NBAS: variants seen among roughly 807,000 people sequenced by gnomAD.
The protein encoded by NBAS is NBAS subunit of NRZ tethering complex, also known as NAG/BC035112 fusion.
A neutral mutation model predicts 302.5 loss-of-function variants in NBAS; 219 were observed. That is an observed-to-expected ratio of 0.72 (90% CI 0.65 to 0.81). The LOEUF (loss-of-function observed/expected upper bound fraction) is 0.81, where lower values mean the gene tolerates loss of function less well. Among genes scored for constraint, NBAS ranks in the 30% least tolerant of loss-of-function variants. The probability of loss-of-function intolerance (pLI) is 0.00; values close to 1 mark genes in which losing one functional copy is unlikely to be tolerated. For synonymous variants in NBAS, 1,118 were observed against 1,021.6 expected (o/e 1.09, Z -1.80); for missense variants, 2,932 against 2,841.6 (o/e 1.03, Z -0.72).
the NBAS span, among the ~76,000 whole-genome samples, chr2:15,023,162 C>A: frequency 6.6e-6 from 1 of 152,010 alleles, no homozygotes; most frequent in African/African-American, 2.4e-5. Context: ...AAAATGGAAT[C>A]CTAATATATG....
At chr2:15,233,689 T>C (rs1044762667) in intron 46 of NBAS, among the ~76,000 whole-genome samples, 3 of 152,186 alleles carry the variant, frequency 2.0e-5, no homozygotes, top group Admixed American at 6.5e-5. Context: ...GAAAAAGTTA[T>C]GAAATTCTAT....
the NBAS span, among the ~76,000 whole-genome samples, chr2:15,161,012 T>A: frequency 6.6e-6 from 1 of 152,206 alleles, no homozygotes; most frequent in Non-Finnish European, 1.5e-5. Context: ...CTGTGGTCAA[T>A]CCTTTATCCA....
At chr2:15,248,450 A>T (rs1358916371) in intron 44 of NBAS, among the ~76,000 whole-genome samples, 1 of 152,210 alleles carries the variant, frequency 6.6e-6, no homozygotes, top group Non-Finnish European at 1.5e-5. Context: ...AGAAATAACT[A>T]TAACTAAGAT....
Position 15,558,560 on chromosome 2 carries a change from G to A in NBAS, c.172+20C>T, listed in dbSNP as rs193093570. 8.1e-6 allele frequency: 13 copies of A among 1,604,708 alleles called. No homozygotes were observed. In the African/African-American group the frequency reaches 1.5e-4, roughly 18 times the overall value. On this transcript the variant is annotated intron_variant, in intron 2 of 51. Transcript: ENST00000281513. ...AACTGTTAACCATATCATTACTGTA[G>A]AGAAATAAGCTATATTTACCTCGAA...
Position 15,219,866 on chromosome 2 carries a change from G to A in NBAS, c.6237-898C>T, listed in dbSNP as rs1406211170. Among the ~76,000 whole-genome samples the A allele has an allele frequency of 4.8e-3, 682 of 141,920 alleles. 1 individual carries two copies. The highest frequency in any genetic ancestry group is 0.015 in the African/African-American group (584 of 38,298). The allele number at this position is 141,920 out of a possible 152,430, so 93.1% of individuals were successfully genotyped here. A position where few individuals can be genotyped will look rare whatever the true frequency, so the allele number is the denominator to read the frequency against. ...ACACCTCCCAGACGGGGTCGTGGCC[G>A]GGCAGAGGGGCTCCTCACTTCCCAG... On this transcript the variant is annotated intron_variant, in intron 47 of 51. Coordinates refer to ENST00000281513, the MANE Select transcript of NBAS (RefSeq NM_015909.4).
chr2:15,560,024 AAGG>A (rs1179546420), intron 1 of NBAS, among the ~76,000 whole-genome samples: 2 of 152,168 alleles, frequency 1.3e-5, no homozygotes, highest in African/African-American at 2.4e-5. Flanking sequence ...CTGCAGTGGG[AAGG>A]AGGCTACAGA....
In NBAS at chr2:15,534,579, TGAG is replaced by T. The variant is rs770015032; in HGVS notation, c.707_709del (p.Pro236del). On this transcript the variant is annotated inframe_deletion, in exon 9 of 52. Coordinates refer to ENST00000281513, the MANE Select transcript of NBAS (RefSeq NM_015909.4). Reference sequence around the variant, plus strand: ...GTGGTAAATAGCTGTGTTGATTCCATGAGGATAATGACTACTGAAGCTGAAACA... The same window carrying T: ...GTGGTAAATAGCTGTGTTGATTCCATGATAATGACTACTGAAGCTGAAACA... The T allele has an allele frequency of 1.9e-6, 3 of 1,612,976 alleles. No homozygotes were observed. The highest frequency in any genetic ancestry group is 2.5e-6 in the Non-Finnish European group (3 of 1,179,014).
chr2:15,178,872 T>C lies in NBAS; in HGVS notation c.6840+116A>G, dbSNP rs965213873. On this transcript the variant is annotated intron_variant, in intron 51 of 51. Transcript: ENST00000281513. ...CAGCTATTGTGGTCAGAGAATACTA[T>C]AGATATAGTAGTCTTCAATTAACCA... 4.3e-5 allele frequency: 61 copies of C among 1,419,912 alleles called. No individual in the cohort carries two copies. The South Asian group carries it at 5.8e-4, about 13-fold the overall frequency. 88.0% of individuals were successfully genotyped at this position (1,419,912 alleles called of 1,614,324 possible).
At chr2:15,347,303 A>G (rs1225976717) in intron 35 of NBAS, among the ~76,000 whole-genome samples, 1 of 152,170 alleles carries the variant, frequency 6.6e-6, no homozygotes, top group African/African-American at 2.4e-5. Flanking sequence ...GAAATTCTAC[A>G]TCTAGAGAAA....
At chr2:15,538,337 A>G (rs1663621671) in intron 7 of NBAS, 1 of 486,224 alleles carries the variant, frequency 2.1e-6, no homozygotes, top group Non-Finnish European at 4.1e-6. Context: ...CCAGAATATG[A>G]GCACAACACA....
intron 28 of NBAS, among the ~76,000 whole-genome samples, chr2:15,393,992 T>A (rs1257214108): frequency 1.3e-5 from 2 of 152,072 alleles, no homozygotes; most frequent in African/African-American, 4.8e-5. Context: ...GAGAAAGGAT[T>A]CTAAAGGAGT....
At chr2:15,065,278 TC>T in the NBAS span, among the ~76,000 whole-genome samples, 2 of 151,970 alleles carry the variant, frequency 1.3e-5, no homozygotes, top group African/African-American at 2.4e-5. Flanking sequence ...CATATGAAAA[TC>T]CCAGAGTTAA....
chr2:15,145,353 C>T, the NBAS span, among the ~76,000 whole-genome samples: 1 of 151,886 alleles, frequency 6.6e-6, no homozygotes, highest in Non-Finnish European at 1.5e-5. Flanking sequence ...TAGGGCCACA[C>T]ATATGCCATT....
At chr2:15,344,513 G>GTAAT (rs1308288147) in intron 35 of NBAS, among the ~76,000 whole-genome samples, 1 of 152,086 alleles carries the variant, frequency 6.6e-6, no homozygotes, top group Admixed American at 6.6e-5. Context: ...AATTGAGGCA[G>GTAAT]TAATTAATAG....
At chr2:15,110,325 A>G in the NBAS span, among the ~76,000 whole-genome samples, 1 of 152,016 alleles carries the variant, frequency 6.6e-6, no homozygotes, top group Non-Finnish European at 1.5e-5. Context: ...TTTCACAGAC[A>G]TATATTCTGT....
rs3085556 is a variant in NBAS, at chr2:15,239,401, GTA to G, written c.5725-717_5725-716del. ...TGTGTATGTGTGCGTGTGTGTGTGT[GTA>G]TATATATATATATATATGTTGAGTA... On this transcript the variant is annotated intron_variant, in intron 44 of 51. Coordinates refer to ENST00000281513, the MANE Select transcript of NBAS (RefSeq NM_015909.4). Among the ~76,000 whole-genome samples the G allele has an allele frequency of 1.8e-3, 254 of 144,688 alleles. 3 individuals carry two copies. Among genetic ancestry groups the G allele is most frequent in the South Asian group, 0.01 (46 of 4,456 alleles). The allele number at this position is 144,688 out of a possible 152,430, so 94.9% of individuals were successfully genotyped here. A position where few individuals can be genotyped will look rare whatever the true frequency, so the allele number is the denominator to read the frequency against.
At chr2:14,997,319 C>G in the NBAS span, among the ~76,000 whole-genome samples, 1 of 152,084 alleles carries the variant, frequency 6.6e-6, no homozygotes, top group Non-Finnish European at 1.5e-5. Flanking sequence ...ATCTAAAATA[C>G]AAGTTAAAAT....
chr2:15,501,280 CA>C lies in NBAS; in HGVS notation c.954+2864del, dbSNP rs35909962. On this transcript the variant is annotated intron_variant, in intron 11 of 51. Transcript: ENST00000281513. The stretch of plus-strand genomic sequence containing the variant: ...TGGGCAACAGAGCGACACTCTGCCT[CA>C]AAAAAAAAAAAAAGATAATATTATA... 7.9e-3 allele frequency among the ~76,000 whole-genome samples: 956 copies of C among 121,532 alleles called. 18 individuals are homozygous for C. The highest frequency in any genetic ancestry group is 0.047 in the Admixed American group (563 of 11,926). The allele number at this position is 121,532 out of a possible 152,430, so 79.7% of individuals were successfully genotyped here.
At chr2:15,236,807 C>G (rs1667616097) in intron 45 of NBAS, among the ~76,000 whole-genome samples, 2 of 151,952 alleles carry the variant, frequency 1.3e-5, no homozygotes, top group Non-Finnish European at 2.9e-5. Flanking sequence ...CCTGCAAAGC[C>G]TTCTATATTG....
Sources: allele counts gnomAD v4.1 joint callset (sites outside exome capture counted in the v4.1 genomes callset), GRCh38; gene constraint gnomAD v4.1.1; transcripts MANE v1.5; gene names NCBI Gene and HGNC (gene_info 2026-07-23, HGNC 2026-07-21).